The following FBXL7 variants were observed in gnomAD, a reference collection of about 807,000 sequenced individuals.
FBXL7 encodes the protein F-box and leucine rich repeat protein 7.
FBXL7 carries 12 observed loss-of-function variants against 38.3 expected under a neutral mutation model. The observed-to-expected ratio is 0.31, with a 90% CI of 0.20 to 0.51. The LOEUF (loss-of-function observed/expected upper bound fraction) is 0.51, where lower values mean the gene tolerates loss of function less well. Among genes scored for constraint, FBXL7 ranks in the 20% least tolerant of loss-of-function variants. The probability of loss-of-function intolerance (pLI) is 0.98; values close to 1 mark genes in which losing one functional copy is unlikely to be tolerated. For missense variants in FBXL7, 567 were observed against 676.4 expected (o/e 0.84, Z 1.79); for synonymous variants, 297 against 300.9 (o/e 0.99, Z 0.13).
chr5:15,500,684 C>G lies in FBXL7; in HGVS notation c.8C>G (p.Ala3Gly), dbSNP rs774228319. The change falls in exon 1 of 4, where the codon GCG (alanine) becomes GGG (glycine). Residue 3 changes from alanine (A) to glycine (G), a missense_variant. Transcript: ENST00000504595. ...GGGCATGACGGCTACAGGATGGGCG[C>G]GAACAATGGCAAACAGTACGGCAGT... is the stretch of plus-strand genomic sequence containing the variant. MGANNGKQYGSEG... is the reference protein window; with the variant it reads MGGNNGKQYGSEG... 2 of 1,611,742 alleles carry G rather than the reference C, an allele frequency of 1.2e-6. No individual in the cohort carries two copies. The highest frequency in any genetic ancestry group is 1.7e-6 in the Non-Finnish European group (2 of 1,178,746).
In FBXL7 at chr5:15,501,402, C is replaced by T. The variant is rs986014718; in HGVS notation, c.37+689C>T. ...AAAGGATGATGGATGTCTGGGTTGGCTTCTCCCTTCTCTCTCCTACCTCCT... is the reference window on the plus strand; with the variant it reads ...AAAGGATGATGGATGTCTGGGTTGGTTTCTCCCTTCTCTCTCCTACCTCCT... On this transcript the variant is annotated intron_variant, in intron 1 of 3. Coordinates refer to ENST00000504595, the MANE Select transcript of FBXL7 (RefSeq NM_012304.5). 3 of 984,242 alleles carry T rather than the reference C, an allele frequency of 3.0e-6. No homozygotes were observed. In the East Asian group the frequency reaches 3.4e-4, roughly 112 times the overall value. 61.0% of individuals were successfully genotyped at this position (984,242 alleles called of 1,614,324 possible).
intron 2 of FBXL7, among the ~76,000 whole-genome samples, chr5:15,732,098 T>C (rs959347350): frequency 6.6e-6 from 1 of 152,204 alleles, no homozygotes; most frequent in Non-Finnish European, 1.5e-5. Flanking sequence ...CTTTTATATG[T>C]TTTTCCCCAG....
intron 2 of FBXL7, among the ~76,000 whole-genome samples, chr5:15,787,214 T>C (rs1219793716): frequency 1.3e-5 from 2 of 152,222 alleles, no homozygotes; most frequent in African/African-American, 4.8e-5. Flanking sequence ...TAATTTGTTA[T>C]GGCAGCCCTA....
chr5:15,636,123 C>A (rs1254448353), intron 2 of FBXL7, among the ~76,000 whole-genome samples: 1 of 148,608 alleles, frequency 6.7e-6, no homozygotes, highest in African/African-American at 2.5e-5. Flanking sequence ...TTAATTTTCT[C>A]TTCATTTTGT....
At position 15,928,052 on chromosome 5, in the gene FBXL7, C is replaced by A; in HGVS notation, c.290C>A (p.Thr97Lys). The A allele has an allele frequency of 9.4e-7, 1 of 1,064,948 alleles. No individual in the cohort carries two copies. Among genetic ancestry groups the A allele is most frequent in the South Asian group, 1.2e-5 (1 of 81,644 alleles). The allele number at this position is 1,064,948 out of a possible 1,614,324, so 66.0% of individuals were successfully genotyped here. Residue 97 changes from threonine (T) to lysine (K), a missense_variant, in exon 3 of 4, where the codon ACA becomes AAA. By Grantham distance (78) the Thr-to-Lys change is moderately conservative. Transcript: ENST00000504595. The surrounding 1 kb of genome is among the most constrained non-coding windows in gnomAD (Gnocchi z 4.0). ...MVHSPPPTRL[T>K]HPLIRLASRP... ...CACTCCCCGCCCCCGACCCGCCTCA[C>A]ACACCCGCTCATCCGGCTCGCCTCC...
intron 2 of FBXL7, among the ~76,000 whole-genome samples, chr5:15,693,080 C>T (rs772293508): frequency 6.5e-4 from 99 of 152,106 alleles, no homozygotes; most frequent in Non-Finnish European, 3.8e-4. Context: ...TTGCCTAGTG[C>T]CAAGCTTGGT....
At chr5:15,774,433 T>C (rs1736809319) in intron 2 of FBXL7, among the ~76,000 whole-genome samples, 2 of 152,212 alleles carry the variant, frequency 1.3e-5, no homozygotes, top group South Asian at 2.1e-4. Flanking sequence ...ACCATATATA[T>C]TGATGTAGAT....
chr5:15,603,153 G>A (rs1739858745), intron 1 of FBXL7, among the ~76,000 whole-genome samples: 1 of 152,120 alleles, frequency 6.6e-6, no homozygotes, highest in Admixed American at 6.6e-5. Flanking sequence ...CTGCATTTAT[G>A]TTTCATTCCA....
chr5:15,744,816 T>C lies in FBXL7; in HGVS notation c.127+128744T>C, dbSNP rs112832496. Among the ~76,000 whole-genome samples the C allele has an allele frequency of 2.0e-3, 307 of 152,226 alleles. 2 individuals are homozygous for C. Among genetic ancestry groups the C allele is most frequent in the African/African-American group, 6.6e-3 (274 of 41,530 alleles). The stretch of plus-strand genomic sequence containing the variant: ...GGAGGCCTCAGGAAACTTACAATCA[T>C]GTCAGAAAGGGATGCAAACATGCCC... On this transcript the variant is annotated intron_variant, in intron 2 of 3. Coordinates refer to ENST00000504595, the MANE Select transcript of FBXL7 (RefSeq NM_012304.5).
chr5:15,533,957 T>G (rs1204824876), intron 1 of FBXL7, among the ~76,000 whole-genome samples: 1 of 152,176 alleles, frequency 6.6e-6, no homozygotes, highest in Non-Finnish European at 1.5e-5. Context: ...TTCCCCCTTT[T>G]TTGTCTCTTT....
At chr5:15,592,707 T>A (rs191106182) in intron 1 of FBXL7, among the ~76,000 whole-genome samples, 43 of 152,264 alleles carry the variant, frequency 2.8e-4, no homozygotes, top group African/African-American at 9.9e-4. Flanking sequence ...TCCGGACCTT[T>A]AGTTTTTGGA....
At chr5:15,708,578 G>A (rs555283689) in intron 2 of FBXL7, among the ~76,000 whole-genome samples, 1 of 152,292 alleles carries the variant, frequency 6.6e-6, no homozygotes, top group African/African-American at 2.4e-5. Flanking sequence ...TAATGTTGAA[G>A]TTTTGCTTCA....
At chr5:15,872,654 C>T (rs1740017080) in intron 2 of FBXL7, among the ~76,000 whole-genome samples, 1 of 152,052 alleles carries the variant, frequency 6.6e-6, no homozygotes, top group African/African-American at 2.4e-5. Flanking sequence ...ATAAAACAGA[C>T]TTTAAACCAA....
intron 2 of FBXL7, among the ~76,000 whole-genome samples, chr5:15,895,203 A>G (rs1368707516): frequency 6.6e-6 from 1 of 152,232 alleles, no homozygotes. Context: ...GGAAAGATAT[A>G]TATCAAAAAG....
intron 2 of FBXL7, among the ~76,000 whole-genome samples, chr5:15,876,048 T>C (rs540554520): frequency 1.3e-4 from 20 of 152,330 alleles, no homozygotes; most frequent in Admixed American, 1.1e-3. Flanking sequence ...GTGGCAAATA[T>C]ACACCATGGA....
chr5:15,850,592 T>C (rs754922921), intron 2 of FBXL7, among the ~76,000 whole-genome samples: 28 of 152,238 alleles, frequency 1.8e-4, no homozygotes, highest in Non-Finnish European at 3.8e-4. Flanking sequence ...GGAATGATAA[T>C]GTTTTCATAG....
At chr5:15,787,523 A>G (rs542095841) in intron 2 of FBXL7, among the ~76,000 whole-genome samples, 32 of 152,230 alleles carry the variant, frequency 2.1e-4, no homozygotes, top group African/African-American at 6.7e-4. Flanking sequence ...GAGAAAGGAG[A>G]AGGTAAGATC....
At chr5:15,654,953 A>G (rs1741826313) in intron 2 of FBXL7, among the ~76,000 whole-genome samples, 1 of 152,234 alleles carries the variant, frequency 6.6e-6, no homozygotes, top group Admixed American at 6.5e-5. Flanking sequence ...TACACGCTAG[A>G]AAATTTCTCA....
At chr5:15,814,175 C>T (rs951123454) in intron 2 of FBXL7, among the ~76,000 whole-genome samples, 3 of 152,138 alleles carry the variant, frequency 2.0e-5, no homozygotes, top group African/African-American at 7.2e-5. Flanking sequence ...TTGGAACCAA[C>T]CCAAATGCCC....
Sources: allele counts gnomAD v4.1 joint callset (sites outside exome capture counted in the v4.1 genomes callset), GRCh38; gene constraint gnomAD v4.1.1; non-coding constraint Gnocchi (gnomAD v3.1); transcripts MANE v1.5; gene names NCBI Gene and HGNC (gene_info 2026-07-23, HGNC 2026-07-21).